The following BSCL2 variants were observed in gnomAD, a reference collection of about 807,000 sequenced individuals.
BSCL2 encodes the protein BSCL2 lipid droplet biogenesis associated, seipin, also known as seipin.
BSCL2 carries 41 observed loss-of-function variants against 57.4 expected under a neutral mutation model. The observed-to-expected ratio is 0.71, with a 90% CI of 0.56 to 0.93. The LOEUF (loss-of-function observed/expected upper bound fraction) is 0.93. Among genes scored for constraint, BSCL2 ranks in the 40% least tolerant of loss-of-function variants. BSCL2 has a pLI of 0.00. For missense variants in BSCL2, 539 were observed against 586.7 expected (o/e 0.92, Z 0.84); for synonymous variants, 237 against 227.3 (o/e 1.04, Z -0.38).
At chr11:62,691,517 A>G in intron 6 of BSCL2, 96 bp from the exon 7 acceptor site, 1 of 1,476,874 alleles carries the variant, frequency 6.8e-7, no homozygotes, top group Non-Finnish European at 9.4e-7. Flanking sequence ...AATTCAAGTG[A>G]GTTTGGTTAC....
intron 3 of BSCL2, among the ~76,000 whole-genome samples, chr11:62,700,736 T>C (rs1276204550): frequency 6.6e-6 from 1 of 152,176 alleles, no homozygotes; most frequent in East Asian, 1.9e-4. Flanking sequence ...GTGGATCACC[T>C]GAGGTCAGGA....
In BSCL2 at chr11:62,705,319, G is replaced by T. The variant is rs1565152641; in HGVS notation, c.386C>A (p.Pro129His). ...CTCTCACCTGTAGTAGAAATGCACAGGGCTGAGGTGGCTGACTGTCGGCAT... is the reference window on the plus strand; with the variant it reads ...CTCTCACCTGTAGTAGAAATGCACATGGCTGAGGTGGCTGACTGTCGGCAT... ...SYMPTVSHLS[P>H]VHFYYRTDCD... is the part of the protein sequence containing the mutation. The change falls in exon 2 of 11, where the codon CCT (proline) becomes CAT (histidine). Residue 129 changes from proline to histidine, a missense_variant. Pro to His is a moderately conservative substitution (Grantham distance 77). Coordinates refer to ENST00000360796, the MANE Select transcript of BSCL2 (RefSeq NM_001122955.4). The T allele has an allele frequency of 1.2e-6, 2 of 1,612,666 alleles. No homozygotes were observed. Among genetic ancestry groups the T allele is most frequent in the African/African-American group, 1.3e-5 (1 of 74,914 alleles).
rs137852974 is a variant in BSCL2, at chr11:62,691,132, G to T, written c.1015C>A (p.Arg339=). The T allele has an allele frequency of 6.2e-7, 1 of 1,614,130 alleles. No individual in the cohort carries two copies. Among genetic ancestry groups the T allele is most frequent in the Admixed American group, 1.7e-5 (1 of 60,012 alleles). The change falls in exon 8 of 11, where the codon CGA becomes AGA. Residue 339 remains arginine, a synonymous_variant. Coordinates refer to ENST00000360796, the MANE Select transcript of BSCL2 (RefSeq NM_001122955.4). The part of the protein sequence containing the change: ...RHRFSLQVNI[R]KRDNSRKEVQ... ...TCCTTCCGGGAATTGTCTCTTTTTCGGATGTTAACCTGTGGAGGAAAAACT... is the reference window on the plus strand; with the variant it reads ...TCCTTCCGGGAATTGTCTCTTTTTCTGATGTTAACCTGTGGAGGAAAAACT...
chr11:62,706,798 G>C (rs76917941), intron 1 of BSCL2: 3 of 572,616 alleles, frequency 5.2e-6, no homozygotes, highest in South Asian at 3.3e-5. Context: ...TTAGTGCCCT[G>C]TTCCCAGCGT....
upstream of BSCL2, chr11:62,708,595 C>A: frequency 6.3e-7 from 1 of 1,575,948 alleles, no homozygotes; most frequent in Non-Finnish European, 8.6e-7. Flanking sequence ...CTGGAGATGG[C>A]AAAAGAGAAC....
At chr11:62,706,393 G>GCGGGGCGGGA (rs1023506876) in intron 1 of BSCL2, 28 of 851,448 alleles carry the variant, frequency 3.3e-5, no homozygotes, top group East Asian at 7.7e-5. Flanking sequence ...GCACGGCGGG[G>GCGGGGCGGGA]CGGGGCGGGA....
intron 4 of BSCL2, among the ~76,000 whole-genome samples, chr11:62,693,897 C>A (rs1030945511): frequency 2.0e-5 from 3 of 152,064 alleles, no homozygotes; most frequent in Non-Finnish European, 4.4e-5. Context: ...TCACCACAAC[C>A]TCTGCCTCCC....
chr11:62,694,447 T>C, intron 4 of BSCL2, 121 bp downstream of exon 4: 1 of 1,444,546 alleles, frequency 6.9e-7, no homozygotes, highest in Non-Finnish European at 9.6e-7. Flanking sequence ...TCAAGCGATC[T>C]GCCTGCCTCG....
intron 3 of BSCL2, among the ~76,000 whole-genome samples, chr11:62,701,165 TG>T (rs1270471000): frequency 6.6e-6 from 1 of 152,162 alleles, no homozygotes; most frequent in African/African-American, 2.4e-5. Context: ...TCAAAACTCT[TG>T]GGTAGATGCC....
intron 3 of BSCL2, among the ~76,000 whole-genome samples, chr11:62,699,899 G>A (rs1001231514): frequency 2.7e-5 from 4 of 150,868 alleles, no homozygotes; most frequent in East Asian, 2.0e-4. Flanking sequence ...GGCTGGTCAC[G>A]AACTCCTGAC....
At chr11:62,697,149 C>A (rs1250090714) in intron 3 of BSCL2, among the ~76,000 whole-genome samples, 3 of 152,060 alleles carry the variant, frequency 2.0e-5, no homozygotes, top group Non-Finnish European at 4.4e-5. Context: ...AATCCCAGCA[C>A]TTTGGGAGGC....
chr11:62,693,341 T>C (rs930434369), intron 4 of BSCL2, among the ~76,000 whole-genome samples: 2 of 151,930 alleles, frequency 1.3e-5, no homozygotes, highest in African/African-American at 2.4e-5. Flanking sequence ...CCACCTCCAC[T>C]AAAAATACAA....
intron 3 of BSCL2, among the ~76,000 whole-genome samples, chr11:62,697,789 G>C (rs796275042): frequency 7.3e-6 from 1 of 137,012 alleles, no homozygotes; most frequent in South Asian, 2.4e-4. Context: ...GAGAGACTCT[G>C]TATCAAAAAA....
At chr11:62,706,992 A>T in intron 1 of BSCL2, 117 bp downstream of exon 1, 1 of 885,740 alleles carries the variant, frequency 1.1e-6, no homozygotes, top group Non-Finnish European at 1.8e-6. Context: ...CGGGCGTGGG[A>T]AGTAATCTAT....
At chr11:62,706,765 T>A in intron 1 of BSCL2, 1 of 541,192 alleles carries the variant, frequency 1.8e-6, no homozygotes, top group South Asian at 1.5e-5. Flanking sequence ...AACCTGGGCC[T>A]CTTGCGTTGT....
At chr11:62,707,789 A>C, upstream of BSCL2, 1 of 259,210 alleles carries the variant, frequency 3.9e-6, no homozygotes, top group Non-Finnish European at 7.6e-6. Context: ...TCGTATAGTC[A>C]CTGCTTCTGC....
At chr11:62,706,283 C>CCT (rs2083533297) in intron 1 of BSCL2, 1 of 1,110,090 alleles carries the variant, frequency 9.0e-7, no homozygotes, top group Non-Finnish European at 1.1e-6. Flanking sequence ...GCCAGGGCAA[C>CCT]CGTGAGACGG....
intron 3 of BSCL2, among the ~76,000 whole-genome samples, chr11:62,698,735 C>T (rs1026800488): frequency 2.6e-5 from 4 of 152,122 alleles, no homozygotes; most frequent in African/African-American, 9.7e-5. Flanking sequence ...CTCTCATCTT[C>T]CTTTTATTCC....
At chr11:62,691,919 G>A (rs1321244084) in intron 6 of BSCL2, among the ~76,000 whole-genome samples, 2 of 152,054 alleles carry the variant, frequency 1.3e-5, no homozygotes, top group Non-Finnish European at 1.5e-5. Flanking sequence ...AGGTGTGGTC[G>A]CAGGCGCCTG....
Sources: allele counts gnomAD v4.1 joint callset (sites outside exome capture counted in the v4.1 genomes callset), GRCh38; gene constraint gnomAD v4.1.1; transcripts MANE v1.5; gene names NCBI Gene and HGNC (gene_info 2026-07-23, HGNC 2026-07-21).